AZIN2: variants seen among roughly 807,000 people sequenced by gnomAD.
AZIN2 encodes antizyme inhibitor 2, also known as ODC antizyme inhibitor-2.
Under a neutral mutation model 47.8 loss-of-function variants are expected in AZIN2, and 28 were observed. The ratio of observed to expected loss-of-function variants is 0.59; its 90% CI spans 0.43 to 0.80. The LOEUF is 0.80. Ranked by LOEUF, AZIN2 falls within the 30% of genes least tolerant of loss-of-function variation. The probability of loss-of-function intolerance (pLI) is 0.00; values close to 1 mark genes in which losing one functional copy is unlikely to be tolerated. For missense variants in AZIN2, 535 were observed against 582.5 expected, an observed-to-expected ratio of 0.92 and a Z score of 0.84; for synonymous variants, 221 against 239.4, an observed-to-expected ratio of 0.92 and a Z score of 0.71.
the AZIN2 span, among the ~76,000 whole-genome samples, chr1:33,152,423 G>A: frequency 6.6e-6 from 1 of 152,058 alleles, no homozygotes; most frequent in Admixed American, 6.6e-5. Context: ...AAAAATTAGC[G>A]GCGCATGGTG....
rs115070079 is a variant in AZIN2, at chr1:33,121,050, C to T, written c.*868C>T. Among the ~76,000 whole-genome samples, 717 of 152,174 alleles carry T rather than the reference C, an allele frequency of 4.7e-3. 6 individuals are homozygous for T. The highest frequency in any genetic ancestry group is 0.015 in the African/African-American group (643 of 41,506). Reference sequence around the variant, plus strand: ...CACGGAGTATTGCTGTGTCCAGTGCCGACAGCCCTGGCATCCCCTGAGACT... The same window carrying T: ...CACGGAGTATTGCTGTGTCCAGTGCTGACAGCCCTGGCATCCCCTGAGACT... On this transcript the variant is annotated 3_prime_UTR_variant, in exon 12 of 12. Transcript: ENST00000294517.
intron 10 of AZIN2, chr1:33,101,983 G>A: frequency 1.4e-6 from 1 of 708,200 alleles, no homozygotes; most frequent in South Asian, 1.5e-5. Flanking sequence ...TGTGAATACT[G>A]CTGCTGTGAA....
At chr1:33,155,488 C>T in the AZIN2 span, among the ~76,000 whole-genome samples, 6 of 152,190 alleles carry the variant, frequency 3.9e-5, no homozygotes, top group African/African-American at 1.4e-4. Context: ...CAGTGAGTCT[C>T]CCTGAGCCTT....
chr1:33,118,003 C>T lies in AZIN2; in HGVS notation c.1131C>T (p.His377=), dbSNP rs762980724. The part of the protein sequence containing the change: ...VAEGLWLPQL[H]VGDWLVFDNM... ...AGGGCCTGTGGCTGCCGCAACTACA[C>T]GTAGGGGACTGGCTGGTCTTTGACA... is the stretch of plus-strand genomic sequence containing the variant. Residue 377 remains histidine (H), a synonymous_variant, in exon 11 of 12, where the codon CAC becomes CAT. Transcript: ENST00000294517. 1.2e-5 allele frequency: 19 copies of T among 1,604,518 alleles called. No homozygotes were observed. The highest frequency in any genetic ancestry group is 1.7e-4 in the Middle Eastern group (1 of 6,016).
chr1:33,096,524 C>G (rs1026999578), intron 8 of AZIN2, among the ~76,000 whole-genome samples, 183 bp from the exon 9 acceptor site: 5 of 152,198 alleles, frequency 3.3e-5, no homozygotes, highest in African/African-American at 1.2e-4. Flanking sequence ...CTACCCAGCT[C>G]TGTCCCCCTC....
the AZIN2 span, among the ~76,000 whole-genome samples, chr1:33,144,245 C>T: frequency 2.0e-5 from 3 of 151,096 alleles, no homozygotes; most frequent in Admixed American, 2.0e-4. Context: ...TCAAGAGATT[C>T]TCCTGCCTCA....
At chr1:33,083,618 A>G (rs1303404301) in intron 4 of AZIN2, 1 of 378,132 alleles carries the variant, frequency 2.6e-6, no homozygotes, top group East Asian at 5.9e-5. Flanking sequence ...GTGGCATTTG[A>G]GTGAAACTTT....
intron 5 of AZIN2, among the ~76,000 whole-genome samples, chr1:33,084,453 T>C (rs146159324): frequency 6.6e-6 from 1 of 152,086 alleles, no homozygotes; most frequent in Non-Finnish European, 1.5e-5. Flanking sequence ...ATTGTTGGTT[T>C]CTTTTCTTTT....
At position 33,096,794 on chromosome 1, in the gene AZIN2, G is replaced by A. The variant is rs370531808; in HGVS notation, c.841G>A (p.Val281Met). 8.7e-6 allele frequency: 14 copies of A among 1,614,076 alleles called. No homozygotes were observed. In the African/African-American group the frequency reaches 9.3e-5, roughly 11 times the overall value. The stretch of plus-strand genomic sequence containing the variant: ...CTTTGCTGAGCTGGGGCGCTACTAC[G>A]TGACCTCGGCCTTCACTGTGGCAGT... ...DIFAELGRYY[V>M]TSAFTVAVSI... is the part of the protein sequence containing the mutation. The change falls in exon 9 of 12, where the codon GTG (valine) becomes ATG (methionine). Residue 281 changes from valine to methionine, a missense_variant. By Grantham distance (21) the Val-to-Met change is conservative (BLOSUM62 1). Transcript: ENST00000294517.
the AZIN2 span, among the ~76,000 whole-genome samples, chr1:33,132,466 C>G: frequency 6.6e-6 from 1 of 152,212 alleles, no homozygotes; most frequent in Admixed American, 6.5e-5. Context: ...AACCCCTAAA[C>G]TGTACTTTCT....
the AZIN2 span, chr1:33,147,777 A>G: frequency 6.4e-7 from 1 of 1,571,860 alleles, no homozygotes; most frequent in South Asian, 1.2e-5. The surrounding 1 kb of genome is among the most constrained non-coding windows in gnomAD (Gnocchi z 8.1). Flanking sequence ...AAGGCTGTGG[A>G]CCCACCATGC....
chr1:33,151,227 G>A, the AZIN2 span, among the ~76,000 whole-genome samples: 6 of 152,222 alleles, frequency 3.9e-5, no homozygotes, highest in East Asian at 5.8e-4. Flanking sequence ...CCTGGCGAGC[G>A]GACCTGTGCT....
the AZIN2 span, among the ~76,000 whole-genome samples, chr1:33,161,680 C>T: frequency 2.6e-5 from 4 of 152,108 alleles, no homozygotes; most frequent in African/African-American, 9.7e-5. The surrounding 1 kb of genome is among the most constrained non-coding windows in gnomAD (Gnocchi z 4.3). Context: ...GCCTCTGCAG[C>T]GGCATGTTGC....
chr1:33,133,459 T>C, the AZIN2 span, among the ~76,000 whole-genome samples: 1 of 152,208 alleles, frequency 6.6e-6, no homozygotes, highest in African/African-American at 2.4e-5. Context: ...ATGGCTTACC[T>C]GGGCCCCTCA....
chr1:33,144,337 C>CTA, the AZIN2 span, among the ~76,000 whole-genome samples: 1 of 152,178 alleles, frequency 6.6e-6, no homozygotes, highest in Non-Finnish European at 1.5e-5. Flanking sequence ...GGGGTTTCTC[C>CTA]ACGTTGGTCA....
At chr1:33,127,615 G>C (rs184366614), downstream of AZIN2, among the ~76,000 whole-genome samples, 43 of 152,328 alleles carry the variant, frequency 2.8e-4, no homozygotes, top group African/African-American at 9.6e-4. Flanking sequence ...GCTTATTTGC[G>C]CATCAGCTAC....
chr1:33,117,898 A>G lies in AZIN2; in HGVS notation c.1030-4A>G. Reference sequence around the variant, plus strand: ...GCTGGCATGGCCATCCCTTCTTCCTACAGAAACCATCCACGGAGCAGCCCC... The same window carrying G: ...GCTGGCATGGCCATCCCTTCTTCCTGCAGAAACCATCCACGGAGCAGCCCC... On this transcript the variant is annotated splice_region_variant and splice_polypyrimidine_tract_variant and intron_variant, in intron 10 of 11. Coordinates refer to ENST00000294517, the MANE Select transcript of AZIN2 (RefSeq NM_052998.4). 6.2e-7 allele frequency: 1 copy of G among 1,614,158 alleles called. No homozygotes were observed. The highest frequency in any genetic ancestry group is 1.1e-5 in the South Asian group (1 of 91,076).
At chr1:33,137,753 G>A in the AZIN2 span, among the ~76,000 whole-genome samples, 2 of 152,144 alleles carry the variant, frequency 1.3e-5, no homozygotes, top group African/African-American at 4.8e-5. Flanking sequence ...GCCCACCTCT[G>A]ATACCTACCT....
the AZIN2 span, among the ~76,000 whole-genome samples, chr1:33,129,221 A>T: frequency 5.9e-4 from 90 of 152,282 alleles, no homozygotes; most frequent in Non-Finnish European, 1.0e-3. This position sits in a 1 kb window ranked among gnomAD's most constrained non-coding sequence, Gnocchi z 4.1. Context: ...ATCAACTAAG[A>T]CAGACCCTAA....
Sources: gnomAD v4.1 joint callset for allele counts (sites outside exome capture counted in the v4.1 genomes callset) on GRCh38, gnomAD v4.1.1 for gene constraint, Gnocchi (gnomAD v3.1) non-coding constraint, MANE v1.5 for transcripts, NCBI Gene and HGNC (gene_info 2026-07-23, HGNC 2026-07-21) for gene names.